Variants in SCHIP1 observed in about 807,000 individuals in gnomAD.
The protein encoded by SCHIP1 is schwannomin-interacting protein 1.
Under a neutral mutation model 29.7 loss-of-function variants are expected in SCHIP1, and 8 were observed. The ratio of observed to expected loss-of-function variants is 0.27; its 90% confidence interval spans 0.16 to 0.49. SCHIP1 has a LOEUF of 0.49. Ranked by LOEUF, SCHIP1 falls within the 20% of genes least tolerant of loss-of-function variation. SCHIP1 has a pLI of 0.99. For synonymous variants in SCHIP1, 76 were observed against 94.9 expected, an observed-to-expected ratio of 0.80 and a Z score of 1.16; for missense variants, 193 against 294.6, an observed-to-expected ratio of 0.66 and a Z score of 2.52.
At chr3:159,819,660 G>A in the SCHIP1 span, among the ~76,000 whole-genome samples, 1 of 152,218 alleles carries the variant, frequency 6.6e-6, no homozygotes, top group Non-Finnish European at 1.5e-5. Context: ...TGTTTTCATA[G>A]CAGAGAAATC....
chr3:159,630,561 T>G, the SCHIP1 span, among the ~76,000 whole-genome samples: 1 of 152,142 alleles, frequency 6.6e-6, no homozygotes, highest in South Asian at 2.1e-4. Flanking sequence ...AGACCCTTAT[T>G]CTAAATGAAG....
intron 2 of SCHIP1, among the ~76,000 whole-genome samples, chr3:159,875,018 T>TAA (rs532553787): frequency 0.2 from 24,596 of 120,240 alleles, 2,734 homozygotes; most frequent in Middle Eastern, 0.32. Context: ...CTGGGTAGTC[T>TAA]AAAAAAAAAA....
chr3:159,786,287 T>G, the SCHIP1 span, among the ~76,000 whole-genome samples: 2 of 152,168 alleles, frequency 1.3e-5, no homozygotes, highest in Admixed American at 1.3e-4. Flanking sequence ...TTCCAGCAAG[T>G]TTTAATAGAC....
chr3:159,468,496 C>T, the SCHIP1 span, among the ~76,000 whole-genome samples: 3 of 151,704 alleles, frequency 2.0e-5, no homozygotes, highest in African/African-American at 7.3e-5. Flanking sequence ...CTCATTAAAA[C>T]GGTATTATTT....
At chr3:159,747,808 A>G in the SCHIP1 span, among the ~76,000 whole-genome samples, 1 of 152,232 alleles carries the variant, frequency 6.6e-6, no homozygotes, top group Non-Finnish European at 1.5e-5. Context: ...ATATATGTGT[A>G]TACTAAATTA....
the SCHIP1 span, among the ~76,000 whole-genome samples, chr3:159,667,074 C>A: frequency 6.6e-6 from 1 of 152,212 alleles, no homozygotes; most frequent in Admixed American, 6.5e-5. Flanking sequence ...ATCTGTTCCA[C>A]AGTAAGCCCT....
chr3:159,782,713 G>A, the SCHIP1 span, among the ~76,000 whole-genome samples: 2 of 152,194 alleles, frequency 1.3e-5, no homozygotes, highest in Non-Finnish European at 2.9e-5. Flanking sequence ...CTCAGGTTTA[G>A]CAGAGGCTCT....
chr3:159,680,743 A>AATATATGTATATATATATATACATATATT, the SCHIP1 span, among the ~76,000 whole-genome samples: 13 of 16,196 alleles, frequency 8.0e-4, no homozygotes, highest in Admixed American at 1.7e-3. Context: ...ATACATATAT[A>AATATATGTATATATATATATACATATATT]ATATATGCTT....
chr3:159,828,421 A>G, the SCHIP1 span, among the ~76,000 whole-genome samples: 21 of 97,200 alleles, frequency 2.2e-4, 1 homozygote, highest in East Asian at 9.0e-4. Flanking sequence ...ATATATACGT[A>G]TATATATACG....
the SCHIP1 span, among the ~76,000 whole-genome samples, chr3:159,751,183 A>C: frequency 1.3e-5 from 2 of 152,244 alleles, no homozygotes; most frequent in Admixed American, 6.5e-5. Flanking sequence ...TCCAGGGGTC[A>C]GCATACTGTG....
At chr3:159,648,841 G>A in the SCHIP1 span, among the ~76,000 whole-genome samples, 1 of 151,916 alleles carries the variant, frequency 6.6e-6, no homozygotes, top group Admixed American at 6.6e-5. Flanking sequence ...CACTGTTCAC[G>A]GCCTCTCTCT....
At chr3:159,776,433 G>C in the SCHIP1 span, among the ~76,000 whole-genome samples, 1 of 149,848 alleles carries the variant, frequency 6.7e-6, no homozygotes, top group East Asian at 1.9e-4. Flanking sequence ...CCAGTGCTCT[G>C]TCCTTTTTGT....
the SCHIP1 span, among the ~76,000 whole-genome samples, chr3:159,292,560 G>C: frequency 6.6e-6 from 1 of 152,118 alleles, no homozygotes; most frequent in Non-Finnish European, 1.5e-5. Context: ...ACTTTGCTGA[G>C]ATCTAGGAGA....
At chr3:159,627,043 C>T in the SCHIP1 span, among the ~76,000 whole-genome samples, 13 of 152,126 alleles carry the variant, frequency 8.5e-5, no homozygotes, top group African/African-American at 1.9e-4. Flanking sequence ...GCCCCCACCC[C>T]GACGGGCCCC....
At chr3:159,491,451 G>A in the SCHIP1 span, among the ~76,000 whole-genome samples, 1 of 152,240 alleles carries the variant, frequency 6.6e-6, no homozygotes, top group African/African-American at 2.4e-5. Context: ...CACACCAGGA[G>A]ATTATATCCA....
chr3:159,858,244 G>A (rs975341307), intron 1 of SCHIP1, among the ~76,000 whole-genome samples: 4 of 152,200 alleles, frequency 2.6e-5, no homozygotes, highest in South Asian at 2.1e-4. Context: ...GCTCAGGTTC[G>A]TTCCCAGCTG....
At chr3:159,668,070 G>T in the SCHIP1 span, among the ~76,000 whole-genome samples, 2 of 152,202 alleles carry the variant, frequency 1.3e-5, no homozygotes, top group Non-Finnish European at 2.9e-5. Context: ...CTGCAAATTA[G>T]GTTAAAGAGT....
chr3:159,331,989 T>TA, the SCHIP1 span, among the ~76,000 whole-genome samples: 1 of 152,118 alleles, frequency 6.6e-6, no homozygotes, highest in African/African-American at 2.4e-5. Context: ...CTCATCACCA[T>TA]AGCTCAGGTG....
chr3:159,288,050 G>A, the SCHIP1 span, among the ~76,000 whole-genome samples: 1 of 152,124 alleles, frequency 6.6e-6, no homozygotes, highest in African/African-American at 2.4e-5. Flanking sequence ...TGCTAGAGGT[G>A]GCATATGGTG....
Sources: gnomAD v4.1 joint callset for allele counts (sites outside exome capture counted in the v4.1 genomes callset) on GRCh38, gnomAD v4.1.1 for gene constraint, MANE v1.5 for transcripts, NCBI Gene and HGNC (gene_info 2026-07-23, HGNC 2026-07-21) for gene names.